STX18: variants seen among roughly 807,000 people sequenced by gnomAD.
The protein encoded by STX18 is syntaxin 18.
A neutral mutation model predicts 50.1 loss-of-function variants in STX18; 40 were observed. That is an observed-to-expected ratio of 0.80 (90% CI 0.62 to 1.04). STX18 has a LOEUF of 1.04. Among genes scored for constraint, STX18 ranks in the 50% least tolerant of loss-of-function variants. The pLI, the probability that STX18 is intolerant of heterozygous loss-of-function variation, is 0.00. For synonymous variants in STX18, 158 were observed against 151.8 expected (o/e 1.04, Z -0.30); for missense variants, 410 against 415.8 (o/e 0.99, Z 0.12).
chr4:4,436,316 A>T (rs1725772591), intron 6 of STX18, among the ~76,000 whole-genome samples: 1 of 152,210 alleles, frequency 6.6e-6, no homozygotes, highest in African/African-American at 2.4e-5. Context: ...TGTGTTTGTA[A>T]AAGGTTGGCT....
upstream of STX18, chr4:4,542,209 A>G (rs61753427): frequency 6.3e-6 from 3 of 478,252 alleles, no homozygotes; most frequent in East Asian, 7.5e-5. Flanking sequence ...GGTTTCTCCC[A>G]GCAAAGCTTG....
At chr4:4,425,097 T>C (rs940557056) in intron 8 of STX18, 67 bp downstream of exon 8, 1 of 1,463,364 alleles carries the variant, frequency 6.8e-7, no homozygotes, top group African/African-American at 1.4e-5. Flanking sequence ...CCAAGGTAAA[T>C]AAAGTTCCTA....
chr4:4,434,373 G>A (rs1035905587), intron 7 of STX18, among the ~76,000 whole-genome samples: 1 of 152,142 alleles, frequency 6.6e-6, no homozygotes, highest in African/African-American at 2.4e-5. Flanking sequence ...CAGTAGTTAA[G>A]GTGTTACTCT....
intron 2 of STX18, among the ~76,000 whole-genome samples, chr4:4,466,400 A>C (rs1201910908): frequency 1.3e-5 from 2 of 152,160 alleles, no homozygotes; most frequent in Non-Finnish European, 2.9e-5. Context: ...GGTAATGAAA[A>C]GTCTTGCTTA....
intron 1 of STX18, among the ~76,000 whole-genome samples, chr4:4,501,556 A>G (rs1311579500): frequency 6.6e-6 from 1 of 152,238 alleles, no homozygotes. Context: ...GTCACACTAC[A>G]TGACCTCTCA....
chr4:4,484,590 G>A (rs544877382), intron 1 of STX18, among the ~76,000 whole-genome samples: 5 of 152,064 alleles, frequency 3.3e-5, no homozygotes, highest in South Asian at 2.1e-4. Context: ...ACAAAGAACC[G>A]GAGACCCCTC....
At chr4:4,534,152 A>G (rs1265619523) in intron 1 of STX18, among the ~76,000 whole-genome samples, 1 of 152,178 alleles carries the variant, frequency 6.6e-6, no homozygotes, top group Admixed American at 6.5e-5. Flanking sequence ...AACTGTCTCC[A>G]AGGTCTAAAT....
At position 4,420,180 on chromosome 4, in the gene STX18, G is replaced by A; in HGVS notation, c.913-51C>T. On this transcript the variant is annotated intron_variant, in intron 10 of 10. Coordinates refer to ENST00000306200, the MANE Select transcript of STX18 (RefSeq NM_016930.4). The surrounding 1 kb of genome is among the most constrained non-coding windows in gnomAD (Gnocchi z 4.3). ...TTTTTATCACACAGGATTTTGGTTT[G>A]AGCAGCCCTGAAATGCCCCCCTCTT... 34 of 1,491,814 alleles carry A rather than the reference G, an allele frequency of 2.3e-5. No individual in the cohort carries two copies. The highest frequency in any genetic ancestry group is 2.9e-5 in the Non-Finnish European group (32 of 1,093,964). The allele number at this position is 1,491,814 out of a possible 1,614,324, so 92.4% of individuals were successfully genotyped here. A position where few individuals can be genotyped will look rare whatever the true frequency, so the allele number is the denominator to read the frequency against.
chr4:4,517,527 CAA>C (rs1730326819), intron 1 of STX18, among the ~76,000 whole-genome samples: 1 of 152,030 alleles, frequency 6.6e-6, no homozygotes, highest in African/African-American at 2.4e-5. Context: ...ATAATTAAAA[CAA>C]AAAGATTTAC....
intron 5 of STX18, among the ~76,000 whole-genome samples, chr4:4,439,511 TATAC>T (rs1725990703): frequency 8.3e-6 from 1 of 119,810 alleles, no homozygotes; most frequent in African/African-American, 3.3e-5. Flanking sequence ...TACCCCCACA[TATAC>T]ATACACATAT....
intron 1 of STX18, among the ~76,000 whole-genome samples, chr4:4,506,910 A>G (rs1463400067): frequency 1.3e-5 from 2 of 152,208 alleles, no homozygotes; most frequent in East Asian, 3.8e-4. Flanking sequence ...CTGAAACTGG[A>G]AAATTAAACT....
chr4:4,430,380 A>G (rs898652330), intron 7 of STX18, among the ~76,000 whole-genome samples: 5 of 152,268 alleles, frequency 3.3e-5, no homozygotes, highest in African/African-American at 9.6e-5. Flanking sequence ...TGAGTTAGTC[A>G]GACTATAAGA....
intron 1 of STX18, chr4:4,507,705 G>A: frequency 2.0e-6 from 2 of 1,003,544 alleles, no homozygotes; most frequent in Admixed American, 1.8e-5. Context: ...GTGGAACACA[G>A]ACTGAAACTT....
rs1727845147 is a variant in STX18, at chr4:4,470,247, G to A, written c.236+1392C>T. Reference sequence around the variant, plus strand: ...TTTGGGCCGGGTAAGTCCCTGTTGTGGAGAGTTGTCCTGAGTTGTGCACAT... The same window carrying A: ...TTTGGGCCGGGTAAGTCCCTGTTGTAGAGAGTTGTCCTGAGTTGTGCACAT... On this transcript the variant is annotated intron_variant, in intron 2 of 10. Coordinates refer to ENST00000306200, the MANE Select transcript of STX18 (RefSeq NM_016930.4). Among the ~76,000 whole-genome samples, 2 of 152,130 alleles carry A rather than the reference G, an allele frequency of 1.3e-5. 1 individual carries two copies. The highest frequency in any genetic ancestry group is 4.2e-4 in the South Asian group (2 of 4,816).
intron 5 of STX18, among the ~76,000 whole-genome samples, chr4:4,440,311 A>AAATTTATTT (rs1726040299): frequency 6.6e-6 from 1 of 152,236 alleles, no homozygotes; most frequent in African/African-American, 2.4e-5. Context: ...TTGTATGGAT[A>AAATTTATTT]AATTTATTTA....
chr4:4,465,886 G>A (rs1577347849), intron 2 of STX18, among the ~76,000 whole-genome samples: 1 of 152,214 alleles, frequency 6.6e-6, no homozygotes, highest in Non-Finnish European at 1.5e-5. Context: ...CCATGTTTGT[G>A]TTTGTTCACT....
chr4:4,492,458 TCAAA>T (rs1200937167), intron 1 of STX18, among the ~76,000 whole-genome samples: 3 of 152,224 alleles, frequency 2.0e-5, no homozygotes, highest in African/African-American at 7.2e-5. Flanking sequence ...AACACAGGAT[TCAAA>T]CAGTGTTTGT....
At chr4:4,497,027 C>G (rs759114894) in intron 1 of STX18, among the ~76,000 whole-genome samples, 18 of 152,260 alleles carry the variant, frequency 1.2e-4, no homozygotes, top group Non-Finnish European at 5.9e-5. Flanking sequence ...CGAAACAAAC[C>G]CCACAAAGCC....
At chr4:4,523,862 C>G (rs1290449292) in intron 1 of STX18, among the ~76,000 whole-genome samples, 1 of 152,182 alleles carries the variant, frequency 6.6e-6, no homozygotes, top group African/African-American at 2.4e-5. Context: ...AATGCCATTC[C>G]TCTCCCATTC....
Sources: gnomAD v4.1 joint callset for allele counts (sites outside exome capture counted in the v4.1 genomes callset) on GRCh38, gnomAD v4.1.1 for gene constraint, Gnocchi (gnomAD v3.1) non-coding constraint, MANE v1.5 for transcripts, NCBI Gene and HGNC (gene_info 2026-07-23, HGNC 2026-07-21) for gene names.